NFATC1: variants seen among roughly 807,000 people sequenced by gnomAD.
NFATC1 encodes the protein nuclear factor of activated T cells 1.
Under a neutral mutation model 76.0 loss-of-function variants are expected in NFATC1, and 22 were observed. The observed-to-expected ratio is 0.29, with a 90% CI of 0.21 to 0.41. The LOEUF (loss-of-function observed/expected upper bound fraction) is 0.41. NFATC1 is among the 10% of genes least tolerant of loss of function. The pLI, the probability that NFATC1 is intolerant of heterozygous loss-of-function variation, is 1.00. For synonymous variants in NFATC1, 704 were observed against 613.1 expected, an observed-to-expected ratio of 1.15 and a Z score of -2.19; for missense variants, 1,357 against 1,337.7, an observed-to-expected ratio of 1.01 and a Z score of -0.23.
At chr18:79,427,837 GCCTCT>G (rs2086435167) in intron 2 of NFATC1, among the ~76,000 whole-genome samples, 1 of 142,814 alleles carries the variant, frequency 7.0e-6, no homozygotes, top group South Asian at 2.3e-4. Context: ...TGGATGGCTG[GCCTCT>G]GTGGGGTGGG....
chr18:79,510,864 T>TGCCGGGGCATCTTCC (rs1256661679), intron 9 of NFATC1, among the ~76,000 whole-genome samples: 3 of 26,396 alleles, frequency 1.1e-4, no homozygotes, highest in East Asian at 9.7e-4. Flanking sequence ...GGGCATCCTC[T>TGCCGGGGCATCTTCC]GCCGGGGCAT....
At chr18:79,485,927 A>G (rs959039310) in intron 8 of NFATC1, among the ~76,000 whole-genome samples, 6 of 152,238 alleles carry the variant, frequency 3.9e-5, no homozygotes, top group Non-Finnish European at 8.8e-5. Flanking sequence ...ATCCACGTTG[A>G]AACTTTCGCT....
chr18:79,466,537 G>A (rs904846471), intron 7 of NFATC1, among the ~76,000 whole-genome samples: 2 of 152,132 alleles, frequency 1.3e-5, no homozygotes. Context: ...AGCGCCACAC[G>A]TCCCATGGCT....
chr18:79,405,418 A>G (rs1023059663), intron 1 of NFATC1, among the ~76,000 whole-genome samples: 1 of 152,250 alleles, frequency 6.6e-6, no homozygotes, highest in African/African-American at 2.4e-5. Flanking sequence ...AGAATCGTCA[A>G]GAAAGTTACT....
At chr18:79,409,369 T>C in intron 1 of NFATC1, among the ~76,000 whole-genome samples, 1 of 151,488 alleles carries the variant, frequency 6.6e-6, no homozygotes, top group African/African-American at 2.4e-5. Flanking sequence ...CATTCATCCA[T>C]CCATCCATCA....
chr18:79,509,428 C>T (rs556343125), intron 9 of NFATC1, among the ~76,000 whole-genome samples: 9 of 152,308 alleles, frequency 5.9e-5, no homozygotes, highest in African/African-American at 1.7e-4. Context: ...GGACAGTGGG[C>T]GGCGAGGGGG....
intron 8 of NFATC1, among the ~76,000 whole-genome samples, chr18:79,483,915 T>C (rs1338356093): frequency 2.1e-5 from 3 of 144,468 alleles, no homozygotes; most frequent in Non-Finnish European, 4.5e-5. Context: ...ACCTGGTTCC[T>C]GGGGTGTCAC....
In NFATC1 at chr18:79,528,955, T is replaced by A. The variant is rs1372749855; in HGVS notation, c.*1378T>A. ...TCGTGCCTTAGGAATTAATGCCCCC[T>A]TATGGAACCTGCCTGAATTGCACCT... On this transcript the variant is annotated 3_prime_UTR_variant, in exon 10 of 10. Transcript: ENST00000427363. The A allele has an allele frequency of 2.0e-5, 3 of 152,618 alleles. No individual in the cohort carries two copies. The highest frequency in any genetic ancestry group is 7.2e-5 in the African/African-American group (3 of 41,458). 9.5% of individuals were successfully genotyped at this position (152,618 alleles called of 1,614,324 possible). A position where few individuals can be genotyped will look rare whatever the true frequency, so the allele number is the denominator to read the frequency against.
chr18:79,457,248 A>T (rs2144828175), intron 6 of NFATC1, among the ~76,000 whole-genome samples: 1 of 152,194 alleles, frequency 6.6e-6, no homozygotes, highest in South Asian at 2.1e-4. Flanking sequence ...CGGGGAAGAG[A>T]CACCTGCCCG....
At chr18:79,460,668 C>T (rs1452549938) in intron 6 of NFATC1, among the ~76,000 whole-genome samples, 1 of 152,252 alleles carries the variant, frequency 6.6e-6, no homozygotes. Context: ...GAGGAAGGCT[C>T]TTCTCATTTA....
chr18:79,486,348 C>G lies in NFATC1; in HGVS notation c.2193C>G (p.Ser731Arg). The change falls in exon 9 of 10, where the codon AGC (serine) becomes AGG (arginine). Residue 731 changes from serine to arginine, a missense_variant. By Grantham distance (110) the Ser-to-Arg change is moderately radical. Around this residue, in one of 3 missense-constraint regions of NFATC1, gnomAD observed 424 missense variants for 395.4 expected, o/e 1.07. Transcript: ENST00000427363. ...GTCCTCTCCCAAGACCATACTACAG[C>G]CAGCAGCTCGCGATGCCACCCGACC... The part of the protein sequence containing the change: ...GLSPLPRPYY[S>R]QQLAMPPDPS... 6.2e-7 allele frequency: 1 copy of G among 1,613,172 alleles called. No individual in the cohort carries two copies. The highest frequency in any genetic ancestry group is 8.5e-7 in the Non-Finnish European group (1 of 1,180,016).
chr18:79,527,597 A>G lies in NFATC1; in HGVS notation c.*20A>G. The G allele has an allele frequency of 6.2e-7, 1 of 1,611,740 alleles. No homozygotes were observed. The highest frequency in any genetic ancestry group is 8.5e-7 in the Non-Finnish European group (1 of 1,177,918). ...TCCTAGTTGCCACATTGGAGCACTC[A>G]GTTCAGCAGGGGTATGCTGACTTCA... is the stretch of plus-strand genomic sequence containing the variant. On this transcript the variant is annotated 3_prime_UTR_variant, in exon 10 of 10. Transcript: ENST00000427363.
Position 79,486,910 on chromosome 18 carries a change from G to A in NFATC1, c.2755G>A (p.Glu919Lys), listed in dbSNP as rs752532245. 1.2e-6 allele frequency: 2 copies of A among 1,604,436 alleles called. No individual in the cohort carries two copies. The highest frequency in any genetic ancestry group is 3.4e-5 in the Admixed American group (2 of 59,332). ...IPVTVKREPE[E>K]LDQLYLDDVN... is the part of the protein sequence containing the mutation. ...TGTAACGGTCAAGCGAGAGCCTGAA[G>A]AGTTGGACCAGTTGTACCTGGATGA... The change falls in exon 9 of 10, where the codon GAG becomes AAG. Residue 919 changes from glutamate (E) to lysine (K), a missense_variant. Around this residue, in one of 3 missense-constraint regions of NFATC1, gnomAD observed 424 missense variants for 395.4 expected, o/e 1.07. Transcript: ENST00000427363.
intron 6 of NFATC1, 95 bp downstream of exon 6, chr18:79,451,911 C>G: frequency 1.4e-6 from 2 of 1,451,418 alleles, no homozygotes; most frequent in Non-Finnish European, 1.9e-6. Context: ...TGTGCACGGT[C>G]ACCGGGACGG....
chr18:79,437,668 G>T (rs1476370983), intron 3 of NFATC1, among the ~76,000 whole-genome samples: 2 of 152,198 alleles, frequency 1.3e-5, no homozygotes, highest in Non-Finnish European at 2.9e-5. Flanking sequence ...GGCACCTCGG[G>T]CAGCCGCCAC....
chr18:79,397,415 T>TTGA (rs2085044279), intron 1 of NFATC1, among the ~76,000 whole-genome samples: 1 of 121,780 alleles, frequency 8.2e-6, no homozygotes, highest in South Asian at 2.7e-4. Context: ...CGGGGCTTGC[T>TTGA]TGAGAACCGG....
rs768922309 is a variant in NFATC1, at chr18:79,410,121, T to C, written c.128-282T>C. The C allele has an allele frequency of 1.3e-6, 1 of 743,576 alleles. No individual in the cohort carries two copies. The highest frequency in any genetic ancestry group is 1.4e-5 in the South Asian group (1 of 73,490). The allele number at this position is 743,576 out of a possible 1,614,324, so 46.1% of individuals were successfully genotyped here. A position where few individuals can be genotyped will look rare whatever the true frequency, so the allele number is the denominator to read the frequency against. ...CGGAACCCGTGAGGACCCGGCCGCC[T>C]CTCCCTGGGAAGGACGTTCGGGGGC... is the stretch of plus-strand genomic sequence containing the variant. On this transcript the variant is annotated intron_variant, in intron 1 of 9. Transcript: ENST00000427363. The surrounding 1 kb of genome is among the most constrained non-coding windows in gnomAD (Gnocchi z 6.7).
intron 9 of NFATC1, among the ~76,000 whole-genome samples, chr18:79,520,942 C>A (rs2090530984): frequency 1.0e-5 from 1 of 95,820 alleles, no homozygotes; most frequent in African/African-American, 4.3e-5. Context: ...AGGGAGCATC[C>A]ACTGATGTGT....
rs757053190 is a variant in NFATC1, at chr18:79,486,690, C to T, written c.2535C>T (p.Ser845=). The T allele has an allele frequency of 5.0e-6, 8 of 1,600,554 alleles. No homozygotes were observed. The South Asian group carries it at 5.5e-5, about 11-fold the overall frequency. Residue 845 remains serine (S), a synonymous_variant, in exon 9 of 10, where the codon AGC becomes AGT. Transcript: ENST00000427363. The part of the protein sequence containing the change: ...PPGLEHSLCP[S]SPSPPLPPAT... ...GTCTCGAACACTCGCTCTGCCCCAG[C>T]AGCCCCTCTCCTCCACTCCCGCCTG...
Sources: gnomAD v4.1 joint callset for allele counts (sites outside exome capture counted in the v4.1 genomes callset) on GRCh38, gnomAD v4.1.1 for gene constraint, gnomAD v4.1.1 regional missense constraint, Gnocchi (gnomAD v3.1) non-coding constraint, MANE v1.5 for transcripts, NCBI Gene and HGNC (gene_info 2026-07-23, HGNC 2026-07-21) for gene names.